The following FAT2 variants were observed in gnomAD, a reference collection of about 807,000 sequenced individuals.
FAT2 encodes the protein FAT atypical cadherin 2, also known as protocadherin Fat 2.
A neutral mutation model predicts 295.3 loss-of-function variants in FAT2; 150 were observed. That is an observed-to-expected ratio of 0.51 (90% confidence interval 0.44 to 0.58). The LOEUF is 0.58. Among genes scored for constraint, FAT2 ranks in the 20% least tolerant of loss-of-function variants. The pLI, the probability that FAT2 is intolerant of heterozygous loss-of-function variation, is 0.00. For synonymous variants in FAT2, 2,026 were observed against 2,150.3 expected, an observed-to-expected ratio of 0.94 and a Z score of 1.60; for missense variants, 4,868 against 5,442.7, an observed-to-expected ratio of 0.89 and a Z score of 3.32.
intron 4 of FAT2, among the ~76,000 whole-genome samples, chr5:151,555,367 C>CT (rs912481589): frequency 0.033 from 4,091 of 123,108 alleles, 166 homozygotes; most frequent in African/African-American, 0.07. Context: ...TAATATATTT[C>CT]TTTTTTTTTT....
At chr5:151,586,018 C>G (rs1759154119) in intron 1 of FAT2, among the ~76,000 whole-genome samples, 1 of 152,212 alleles carries the variant, frequency 6.6e-6, no homozygotes, top group Admixed American at 6.5e-5. Context: ...GACTCCAGAG[C>G]TCACGTGCCA....
intron 17 of FAT2, among the ~76,000 whole-genome samples, chr5:151,526,826 CAT>C (rs1754060136): frequency 6.6e-6 from 1 of 152,180 alleles, no homozygotes; most frequent in Non-Finnish European, 1.5e-5. Flanking sequence ...GAAAATTACT[CAT>C]AGAATCCCAA....
Position 151,543,436 on chromosome 5 carries a change from C to T in FAT2, c.7691G>A (p.Gly2564Glu), listed in dbSNP as rs757754557. 1 of 1,614,136 alleles carries T rather than the reference C, an allele frequency of 6.2e-7. No individual in the cohort carries two copies. Among genetic ancestry groups the T allele is most frequent in the Admixed American group, 1.7e-5 (1 of 60,028 alleles). The part of the protein sequence containing the change: ...AIKVMARDGG[G>E]RVAFCTVKII... ...CTTCACCGTGCAGAAGGCTACTCTT[C>T]CTCCTCCATCCCGAGCCATGACCTT... is the stretch of plus-strand genomic sequence containing the variant. Residue 2564 changes from glycine to glutamate, a missense_variant, in exon 10 of 24, where the codon GGA becomes GAA. By Grantham distance (98) the Gly-to-Glu change is moderately conservative. This residue lies in a region of FAT2 where 3,297 missense variants were observed against 3,669.4 expected (regional missense o/e 0.90). Transcript: ENST00000261800.
At chr5:151,517,380 TACCCC>T (rs1752976545) in intron 20 of FAT2, among the ~76,000 whole-genome samples, 1 of 152,218 alleles carries the variant, frequency 6.6e-6, no homozygotes, top group Admixed American at 6.5e-5. Context: ...ATTTCTATCT[TACCCC>T]ACAGAGTAAG....
At chr5:151,557,072 G>A (rs1757762452) in intron 3 of FAT2, among the ~76,000 whole-genome samples, 1 of 152,208 alleles carries the variant, frequency 6.6e-6, no homozygotes, top group African/African-American at 2.4e-5. Context: ...ACCACGAGCA[G>A]CCTCCCGTCA....
intron 18 of FAT2, among the ~76,000 whole-genome samples, chr5:151,525,523 T>C (rs758780900): frequency 3.3e-5 from 5 of 152,120 alleles, no homozygotes; most frequent in African/African-American, 1.2e-4. Flanking sequence ...TTATTACCAG[T>C]ATTACTTTAA....
chr5:151,570,334 A>G (rs1758472570), intron 1 of FAT2, among the ~76,000 whole-genome samples: 1 of 152,224 alleles, frequency 6.6e-6, no homozygotes, highest in South Asian at 2.1e-4. Context: ...TGGACATTAG[A>G]GATGATGGGC....
At position 151,505,758 on chromosome 5, in the gene FAT2, C is replaced by T; in HGVS notation, c.12857G>A (p.Gly4286Glu). The T allele has an allele frequency of 6.2e-7, 1 of 1,613,484 alleles. No individual in the cohort carries two copies. Among genetic ancestry groups the T allele is most frequent in the South Asian group, 1.1e-5 (1 of 91,080 alleles). The change falls in exon 24 of 24, where the codon GGA becomes GAA. Residue 4286 changes from glycine (G) to glutamate (E), a missense_variant. By Grantham distance (98) the Gly-to-Glu change is moderately conservative (BLOSUM62 -2). Coordinates refer to ENST00000261800, the MANE Select transcript of FAT2 (RefSeq NM_001447.3). The stretch of plus-strand genomic sequence containing the variant: ...GCCCCCGTCTGCCAGGCAGGGCCCT[C>T]CCCCTCCCTGCCGGAACTGCGAGTG... ...YYHSQFRQGG[G>E]GPCLADGGYK... is the part of the protein sequence containing the mutation.
In FAT2 at chr5:151,566,100, C is replaced by T; in HGVS notation, c.2832G>A (p.Leu944=). ...VPEDLPPGTV[L]TFLDASDPDL... is the part of the protein sequence containing the mutation. ...CAGGATCAGAGGCATCCAGAAATGT[C>T]AAGACAGTCCCGGGGGGCAGGTCCT... Residue 944 remains leucine (L), a synonymous_variant, in exon 2 of 24, where the codon TTG becomes TTA. Coordinates refer to ENST00000261800, the MANE Select transcript of FAT2 (RefSeq NM_001447.3). 4 of 1,614,158 alleles carry T rather than the reference C, an allele frequency of 2.5e-6. No homozygotes were observed. In the Admixed American group the frequency reaches 5.0e-5, roughly 20 times the overall value.
At position 151,566,767 on chromosome 5, in the gene FAT2, A is replaced by G. The variant is rs142276415; in HGVS notation, c.2165T>C (p.Ile722Thr). The stretch of plus-strand genomic sequence containing the variant: ...GATAGGGACACTCTCAAGGACATCA[A>G]TGGATTGGGGGAAGTGGTCCTCAAA... ...PQFEDHFPQS[I>T]DVLESVPINT... is the part of the protein sequence containing the mutation. The change falls in exon 2 of 24, where the codon ATT (isoleucine) becomes ACT (threonine). Residue 722 changes from isoleucine to threonine, a missense_variant. This residue lies in a region of FAT2 where 3,297 missense variants were observed against 3,669.4 expected (regional missense o/e 0.90). Transcript: ENST00000261800. The G allele has an allele frequency of 2.1e-4, 342 of 1,614,172 alleles. No homozygotes were observed. Among genetic ancestry groups the G allele is most frequent in the Admixed American group, 1.2e-3 (74 of 60,018 alleles).
rs2127630534 is a variant in FAT2 at position 151,554,442 on chromosome 5, C to T, written c.3865G>A (p.Glu1289Lys). ...GTGACCAGGTCGATACTGAAGGCCT[C>T]CTCATCGCTGTCCTCGATACTGTAG... Reference protein sequence around the residue: ...VTYSIEDSDEEAFSIDLVTGV... With the variant: ...VTYSIEDSDEKAFSIDLVTGV... The change falls in exon 5 of 24, where the codon GAG (glutamate) becomes AAG (lysine). Residue 1289 changes from glutamate (E) to lysine (K), a missense_variant. This residue lies in a region of FAT2 where 3,297 missense variants were observed against 3,669.4 expected (regional missense o/e 0.90). Transcript: ENST00000261800. 9 of 1,614,214 alleles carry T rather than the reference C, an allele frequency of 5.6e-6. No individual in the cohort carries two copies. The highest frequency in any genetic ancestry group is 6.8e-6 in the Non-Finnish European group (8 of 1,180,034).
At chr5:151,538,209 G>A (rs972254437) in intron 11 of FAT2, among the ~76,000 whole-genome samples, 12 of 152,154 alleles carry the variant, frequency 7.9e-5, no homozygotes, top group African/African-American at 2.2e-4. Context: ...ACAAGAGAAC[G>A]AGTCAGAAAA....
intron 3 of FAT2, 47 bp from the exon 4 acceptor site, chr5:151,556,449 G>A: frequency 7.1e-7 from 1 of 1,413,604 alleles, no homozygotes; most frequent in Non-Finnish European, 9.9e-7. Context: ...AGACTTTCAG[G>A]GCCACTTTAC....
At chr5:151,534,156 A>C (rs923642370) in intron 13 of FAT2, among the ~76,000 whole-genome samples, 1 of 152,220 alleles carries the variant, frequency 6.6e-6, no homozygotes, top group African/African-American at 2.4e-5. Flanking sequence ...AAAAGTCCCC[A>C]GGTCTAAGTG....
chr5:151,531,287 G>A lies in FAT2; in HGVS notation c.9811+300C>T, dbSNP rs1188705436. On this transcript the variant is annotated intron_variant, in intron 14 of 23. Transcript: ENST00000261800. This position sits in a 1 kb window ranked among gnomAD's most constrained non-coding sequence, Gnocchi z 5.7. ...TTTCTGCCTCCTGCGCTGGGCCTGA[G>A]CTGAGACCATGAAGCCGCTAACTGT... is the stretch of plus-strand genomic sequence containing the variant. 6.6e-6 allele frequency among the ~76,000 whole-genome samples: 1 copy of A among 152,210 alleles called. No homozygotes were observed. The highest frequency in any genetic ancestry group is 1.9e-4 in the East Asian group (1 of 5,190).
Position 151,512,179 on chromosome 5 carries a change from C to T in FAT2, c.11891G>A (p.Trp3964Ter). The T allele has an allele frequency of 6.2e-7, 1 of 1,613,526 alleles. No individual in the cohort carries two copies. Among genetic ancestry groups the T allele is most frequent in the Non-Finnish European group, 8.5e-7 (1 of 1,179,484 alleles). ...CCAGCCCTCACCTGCCCCATGGGTC[C>T]ATGAGCACTTCCCACCATTGAGGCA... The part of the protein sequence containing the change: ...NTCLNGGKCS[W>*]THGAGYVCKC... The change falls in exon 21 of 24, where the codon TGG becomes TAG. Residue 3964 changes from tryptophan (W) to a stop codon, truncating the protein, a stop_gained. Coordinates refer to ENST00000261800, the MANE Select transcript of FAT2 (RefSeq NM_001447.3). LOFTEE classifies it high-confidence loss of function. This position sits in a 1 kb window ranked among gnomAD's most constrained non-coding sequence, Gnocchi z 4.1.
chr5:151,565,633 C>T (rs1448070284), intron 2 of FAT2, 40 bp downstream of exon 2: 3 of 1,524,778 alleles, frequency 2.0e-6, no homozygotes, highest in Non-Finnish European at 2.6e-6. Context: ...AGCCCATCTA[C>T]CTCTGGCCCT....
chr5:151,519,845 T>A (rs889824644), intron 19 of FAT2, among the ~76,000 whole-genome samples: 1 of 152,192 alleles, frequency 6.6e-6, no homozygotes, highest in Admixed American at 6.6e-5. Flanking sequence ...CACCTGCTGC[T>A]TCAGAATTAA....
Position 151,540,592 on chromosome 5 carries a change from T to C in FAT2, c.9014A>G (p.Asn3005Ser), listed in dbSNP as rs893452057. The change falls in exon 11 of 24, where the codon AAT becomes AGT. Residue 3005 changes from asparagine (N) to serine (S), a missense_variant. This residue lies in a region of FAT2 where 9 missense variants were observed against 27.4 expected (regional missense o/e 0.33). Transcript: ENST00000261800. ...CTGTGAACACTGTGGGCTGTTATCA[T>C]TGACGTCCAGGACAAAGATCTCCAC... The part of the protein sequence containing the change: ...VTVEIFVLDV[N>S]DNSPQCSQLL... 4 of 1,613,670 alleles carry C rather than the reference T, an allele frequency of 2.5e-6. No homozygotes were observed. Among genetic ancestry groups the C allele is most frequent in the Admixed American group, 1.7e-5 (1 of 59,974 alleles).
Sources: allele counts gnomAD v4.1 joint callset (sites outside exome capture counted in the v4.1 genomes callset), GRCh38; gene constraint gnomAD v4.1.1; regional missense constraint gnomAD v4.1.1; non-coding constraint Gnocchi (gnomAD v3.1); transcripts MANE v1.5; gene names NCBI Gene and HGNC (gene_info 2026-07-23, HGNC 2026-07-21).